Variants in GET3 observed in about 807,000 individuals in gnomAD.
GET3 encodes the protein ATPase GET3.
A neutral mutation model predicts 32.4 loss-of-function variants in GET3; 15 were observed. The ratio of observed to expected loss-of-function variants is 0.46; its 90% CI spans 0.31 to 0.71. The LOEUF (loss-of-function observed/expected upper bound fraction) is 0.71, where lower values mean the gene tolerates loss of function less well. Ranked by LOEUF, GET3 falls within the 30% of genes least tolerant of loss-of-function variation. The pLI is 0.05. For missense variants in GET3, 333 were observed against 459.0 expected, an observed-to-expected ratio of 0.73 and a Z score of 2.51; for synonymous variants, 198 against 185.6, an observed-to-expected ratio of 1.07 and a Z score of -0.54.
At position 12,738,517 on chromosome 19, in the gene GET3, C is replaced by T. The variant is rs1967612140; in HGVS notation, c.168C>T (p.Ser56=). Reference sequence around the variant, plus strand: ...TGACTTTTCCATTACTCAGCTGCAGCCTGGCAGTCCAGCTCTCCAAGGGGC... The same window carrying T: ...TGACTTTTCCATTACTCAGCTGCAGTCTGGCAGTCCAGCTCTCCAAGGGGC... ...GGVGKTTCSC[S]LAVQLSKGRE... The change falls in exon 2 of 7, where the codon AGC becomes AGT. Residue 56 remains serine (S), a synonymous_variant. Coordinates refer to ENST00000357332, the MANE Select transcript of GET3 (RefSeq NM_004317.4). 6.2e-7 allele frequency: 1 copy of T among 1,614,098 alleles called. No individual in the cohort carries two copies. The highest frequency in any genetic ancestry group is 2.2e-5 in the East Asian group (1 of 44,876).
rs561913767 is a variant in GET3, at chr19:12,744,611, C to T, written c.310-766C>T. On this transcript the variant is annotated intron_variant, in intron 2 of 6. Coordinates refer to ENST00000357332, the MANE Select transcript of GET3 (RefSeq NM_004317.4). ...CTGGAATTACAGGCATGAGGTACCG[C>T]GCCTGGCTGGATTCCCCATATGTGC... 9.2e-5 allele frequency among the ~76,000 whole-genome samples: 14 copies of T among 152,294 alleles called. No individual in the cohort carries two copies. In the South Asian group the frequency reaches 2.5e-3, roughly 27 times the overall value.
chr19:12,739,691 C>G (rs1014317205), intron 2 of GET3, among the ~76,000 whole-genome samples: 3 of 152,092 alleles, frequency 2.0e-5, no homozygotes, highest in African/African-American at 7.2e-5. Context: ...TTATGTGAGT[C>G]TGGAGCCCAG....
intron 2 of GET3, among the ~76,000 whole-genome samples, chr19:12,740,602 G>A (rs988746764): frequency 2.0e-5 from 3 of 150,268 alleles, no homozygotes; most frequent in East Asian, 2.0e-4. Context: ...GCGTGAACGC[G>A]GGAAGTGGAC....
intron 2 of GET3, among the ~76,000 whole-genome samples, chr19:12,740,307 G>A (rs1428253209): frequency 3.3e-5 from 5 of 151,972 alleles, no homozygotes; most frequent in South Asian, 2.1e-4. Flanking sequence ...CGTGAACCCC[G>A]GAGGCGGAGC....
chr19:12,737,354 G>A, upstream of GET3: 1 of 1,138,174 alleles, frequency 8.8e-7, no homozygotes, highest in African/African-American at 1.6e-5. Context: ...TGGAAGCAAA[G>A]AATAGTGAAA....
At chr19:12,740,781 A>G (rs1354915563) in intron 2 of GET3, among the ~76,000 whole-genome samples, 2 of 152,234 alleles carry the variant, frequency 1.3e-5, no homozygotes, top group African/African-American at 4.8e-5. Context: ...ATACAGACCC[A>G]GAACTTGGGC....
At chr19:12,743,103 AC>A (rs1431913153) in intron 2 of GET3, among the ~76,000 whole-genome samples, 1 of 152,182 alleles carries the variant, frequency 6.6e-6, no homozygotes, top group African/African-American at 2.4e-5. Flanking sequence ...ACAGGGAATG[AC>A]CCCTAAGGCC....
intron 4 of GET3, among the ~76,000 whole-genome samples, chr19:12,746,164 G>A (rs998617325): frequency 2.0e-5 from 3 of 152,000 alleles, no homozygotes; most frequent in Non-Finnish European, 4.4e-5. Context: ...ACGGAGTCTC[G>A]CTCTGTCACC....
chr19:12,747,652 T>C lies in GET3; in HGVS notation c.915+60T>C. The C allele has an allele frequency of 6.4e-7, 1 of 1,560,048 alleles. No homozygotes were observed. The highest frequency in any genetic ancestry group is 8.7e-7 in the Non-Finnish European group (1 of 1,151,132). ...GCACCTCTGCCCCTTTATTCTCTGA[T>C]CTTTTGCTCCACCATCTGGCCCTCT... is the stretch of plus-strand genomic sequence containing the variant. On this transcript the variant is annotated intron_variant, in intron 6 of 6. Coordinates refer to ENST00000357332, the MANE Select transcript of GET3 (RefSeq NM_004317.4). The surrounding 1 kb of genome is among the most constrained non-coding windows in gnomAD (Gnocchi z 4.0).
intron 4 of GET3, among the ~76,000 whole-genome samples, chr19:12,746,797 G>GT (rs752819139): frequency 4.5e-4 from 68 of 152,188 alleles, no homozygotes; most frequent in Non-Finnish European, 8.8e-4. Flanking sequence ...ATTGCCTGAG[G>GT]TCAGGAGTTC....
intron 2 of GET3, among the ~76,000 whole-genome samples, chr19:12,744,772 G>C (rs1371603171): frequency 6.6e-6 from 1 of 152,166 alleles, no homozygotes; most frequent in Non-Finnish European, 1.5e-5. Context: ...AGGGAATCAT[G>C]AGGGATGTGA....
intron 2 of GET3, among the ~76,000 whole-genome samples, chr19:12,740,922 G>A (rs1967655963): frequency 6.6e-6 from 1 of 152,184 alleles, no homozygotes; most frequent in African/African-American, 2.4e-5. Flanking sequence ...CAGTGAATGG[G>A]ATAGAAGTTT....
rs2145697258 is a variant in GET3, at chr19:12,747,993, C to A, written c.936C>A (p.Asp312Glu). ...YLDQMEDLYE[D>E]FHIVKLPLLP... is the part of the protein sequence containing the mutation. Reference sequence around the variant, plus strand: ...TGCAGATGGAGGACCTGTATGAAGACTTCCACATCGTGAAGCTGCCGCTGT... The same window carrying A: ...TGCAGATGGAGGACCTGTATGAAGAATTCCACATCGTGAAGCTGCCGCTGT... Residue 312 changes from aspartate to glutamate, a missense_variant, in exon 7 of 7, where the codon GAC becomes GAA. By Grantham distance (45) the Asp-to-Glu change is conservative. Around this residue, in one of 3 missense-constraint regions of GET3, gnomAD observed 230 missense variants for 389.2 expected, o/e 0.59. Transcript: ENST00000357332. The surrounding 1 kb of genome is among the most constrained non-coding windows in gnomAD (Gnocchi z 4.0). The A allele has an allele frequency of 1.2e-6, 2 of 1,608,792 alleles. No homozygotes were observed. The highest frequency in any genetic ancestry group is 1.7e-6 in the Non-Finnish European group (2 of 1,176,422).
chr19:12,748,159 C>T lies in GET3; in HGVS notation c.*55C>T. On this transcript the variant is annotated 3_prime_UTR_variant, in exon 7 of 7. Transcript: ENST00000357332. ...TCACACTCACCCTCCACCCTCCCCA[C>T]CCCCTCGGGGCAGAGTTTGCACAAA... 7 of 1,505,962 alleles carry T rather than the reference C, an allele frequency of 4.6e-6. No individual in the cohort carries two copies. Among genetic ancestry groups the T allele is most frequent in the African/African-American group, 1.4e-5 (1 of 72,608 alleles). The allele number at this position is 1,505,962 out of a possible 1,614,324, so 93.3% of individuals were successfully genotyped here. A position where few individuals can be genotyped will look rare whatever the true frequency, so the allele number is the denominator to read the frequency against.
chr19:12,744,547 C>T (rs8177476), intron 2 of GET3, among the ~76,000 whole-genome samples: 4,343 of 151,838 alleles, frequency 0.029, 196 homozygotes, highest in African/African-American at 0.099. Flanking sequence ...CTCAAGCTCC[C>T]GACCTCAGGT....
chr19:12,745,440 C>T lies in GET3; in HGVS notation c.373C>T (p.Leu125=). ...CGAGTTCTTCGAGGAGGACAACATGCTGAGCATGGGCAAGAAGATGATGCA... is the reference window on the plus strand; with the variant it reads ...CGAGTTCTTCGAGGAGGACAACATGTTGAGCATGGGCAAGAAGATGATGCA... ...PDEFFEEDNM[L]SMGKKMMQEA... Residue 125 remains leucine, a synonymous_variant, in exon 3 of 7, where the codon CTG becomes TTG. Transcript: ENST00000357332. The surrounding 1 kb of genome is among the most constrained non-coding windows in gnomAD (Gnocchi z 5.0). 6.2e-7 allele frequency: 1 copy of T among 1,613,104 alleles called. No individual in the cohort carries two copies. Among genetic ancestry groups the T allele is most frequent in the Non-Finnish European group, 8.5e-7 (1 of 1,179,996 alleles).
chr19:12,738,982 C>G (rs1967618843), intron 2 of GET3, among the ~76,000 whole-genome samples: 1 of 152,136 alleles, frequency 6.6e-6, no homozygotes, highest in South Asian at 2.1e-4. Context: ...TTGTTTTAAG[C>G]AGGGCAATGT....
chr19:12,746,010 C>T (rs578197256), intron 4 of GET3, among the ~76,000 whole-genome samples: 2 of 152,328 alleles, frequency 1.3e-5, no homozygotes, highest in South Asian at 4.1e-4. Flanking sequence ...AGGCAACCTG[C>T]CTTCAAACCC....
Position 12,747,406 on chromosome 19 carries a change from T to G in GET3, c.729T>G (p.Thr243=), listed in dbSNP as rs750679077. Residue 243 remains threonine (T), a synonymous_variant, in exon 6 of 7, where the codon ACT becomes ACG. Transcript: ENST00000357332. This position sits in a 1 kb window ranked among gnomAD's most constrained non-coding sequence, Gnocchi z 4.0. ...CTCGTGCCCTGTAGGAGCAGACAAC[T>G]TTCATCTGCGTATGCATTGCTGAGT... ...SEQFKDPEQT[T]FICVCIAEFL... The G allele has an allele frequency of 2.0e-5, 33 of 1,613,858 alleles. No individual in the cohort carries two copies. The highest frequency in any genetic ancestry group is 2.6e-5 in the Non-Finnish European group (31 of 1,179,976).
Sources: allele counts gnomAD v4.1 joint callset (sites outside exome capture counted in the v4.1 genomes callset), GRCh38; gene constraint gnomAD v4.1.1; regional missense constraint gnomAD v4.1.1; non-coding constraint Gnocchi (gnomAD v3.1); transcripts MANE v1.5; gene names NCBI Gene and HGNC (gene_info 2026-07-23, HGNC 2026-07-21).